Variants in TNS2 observed in about 807,000 individuals in gnomAD.
TNS2 encodes tensin 2.
TNS2 carries 77 observed loss-of-function variants against 155.7 expected under a neutral mutation model. The observed-to-expected ratio is 0.49, with a 90% CI of 0.41 to 0.60. TNS2 has a LOEUF of 0.60. Ranked by LOEUF, TNS2 falls within the 20% of genes least tolerant of loss-of-function variation. The pLI is 0.00. For missense variants in TNS2, 1,703 were observed against 1,868.8 expected (o/e 0.91, Z 1.64); for synonymous variants, 726 against 763.9 (o/e 0.95, Z 0.82).
upstream of TNS2, among the ~76,000 whole-genome samples, chr12:53,047,937 C>G (rs935560827): frequency 6.6e-6 from 1 of 152,206 alleles, no homozygotes; most frequent in African/African-American, 2.4e-5. Flanking sequence ...CCCAGCCTCC[C>G]TTCCAACCAC....
In TNS2 at chr12:53,063,838, A is replaced by C; in HGVS notation, c.4186A>C (p.Ile1396Leu). 6.2e-7 allele frequency: 1 copy of C among 1,614,086 alleles called. No individual in the cohort carries two copies. The highest frequency in any genetic ancestry group is 8.5e-7 in the Non-Finnish European group (1 of 1,180,012). Reference protein sequence around the residue: ...ELDPDQPAGAIVTFITKVLLG... With the variant: ...ELDPDQPAGALVTFITKVLLG... ...TGACCCAGATCAGCCTGCTGGCGCC[A>C]TTGTCACCTTCATCACCAAAGTTCT... Residue 1396 changes from isoleucine to leucine, a missense_variant, in exon 29 of 29, where the codon ATT (isoleucine) becomes CTT (leucine). Transcript: ENST00000314250. This position sits in a 1 kb window ranked among gnomAD's most constrained non-coding sequence, Gnocchi z 5.6.
chr12:53,049,607 C>A (rs1490679100), upstream of TNS2, among the ~76,000 whole-genome samples: 1 of 152,096 alleles, frequency 6.6e-6, no homozygotes, highest in East Asian at 1.9e-4. Context: ...GCCCCCAGTC[C>A]CATTTTTACC....
intron 17 of TNS2, 85 bp downstream of exon 17, chr12:53,058,912 T>C: frequency 6.4e-7 from 1 of 1,566,550 alleles, no homozygotes; most frequent in African/African-American, 1.4e-5. Context: ...CACTCCCTCC[T>C]CCCCAGGCAG....
chr12:53,059,834 TGG>T lies in TNS2; in HGVS notation c.2195_2196del (p.Gly732AlafsTer19). ...GKPLLHPVRP[G>X]HPLPLLLPAC... Reference sequence around the variant, plus strand: ...AGCCTCTCCTGCACCCAGTGCGGCCTGGGCACCCGCTGCCTCTGCTCTTGCCT... The same window carrying T: ...AGCCTCTCCTGCACCCAGTGCGGCCTGCACCCGCTGCCTCTGCTCTTGCCT... On this transcript the variant is annotated frameshift_variant, in exon 18 of 29. Coordinates refer to ENST00000314250, the MANE Select transcript of TNS2 (RefSeq NM_170754.4). LOFTEE classifies it high-confidence loss of function. The surrounding 1 kb of genome is among the most constrained non-coding windows in gnomAD (Gnocchi z 4.7). 6.2e-7 allele frequency: 1 copy of T among 1,612,952 alleles called. No homozygotes were observed. The highest frequency in any genetic ancestry group is 8.5e-7 in the Non-Finnish European group (1 of 1,179,938).
chr12:53,052,455 T>A lies in TNS2; in HGVS notation c.185T>A (p.Val62Asp), dbSNP rs1370949597. 2 of 1,613,918 alleles carry A rather than the reference T, an allele frequency of 1.2e-6. No homozygotes were observed. Among genetic ancestry groups the A allele is most frequent in the Non-Finnish European group, 1.7e-6 (2 of 1,179,908 alleles). ...TIDGTGVSCR[V>D]CKVATHRKCE... is the part of the protein sequence containing the mutation. The stretch of plus-strand genomic sequence containing the variant: ...CCTCTCCTCCCCTTACCTTCCCTAG[T>A]CTGCAAGGTGGCGACGCACAGAAAA... Residue 62 changes from valine (V) to aspartate (D), a missense_variant and splice_region_variant, in exon 3 of 29, where the codon GTC becomes GAC. Coordinates refer to ENST00000314250, the MANE Select transcript of TNS2 (RefSeq NM_170754.4).
At chr12:53,052,873 A>C (rs1305474675) in intron 3 of TNS2, among the ~76,000 whole-genome samples, 2 of 152,040 alleles carry the variant, frequency 1.3e-5, no homozygotes, top group Non-Finnish European at 2.9e-5. Context: ...CCTCTGGGGA[A>C]GGGTCCTCAA....
chr12:53,062,806 C>A, intron 25 of TNS2, 109 bp downstream of exon 25: 1 of 1,323,678 alleles, frequency 7.6e-7, no homozygotes, highest in Non-Finnish European at 1.1e-6. Context: ...CCCTGGCCAA[C>A]CCATGAGGGC....
At chr12:53,057,504 A>C in intron 11 of TNS2, 63 bp from the exon 12 acceptor site, 1 of 1,240,860 alleles carries the variant, frequency 8.1e-7, no homozygotes, top group Non-Finnish European at 1.2e-6. Context: ...TGGATGGTTG[A>C]AATGATACAA....
intron 11 of TNS2, 101 bp downstream of exon 11, chr12:53,057,197 C>T: frequency 7.8e-7 from 1 of 1,279,748 alleles, no homozygotes; most frequent in South Asian, 1.3e-5. Flanking sequence ...CTGAGTGTGC[C>T]AAGCGCCGTG....
Position 53,050,827 on chromosome 12 carries a change from C to A in TNS2, c.75+567C>A, listed in dbSNP as rs903569333. ...GTCAAGAAACCAGAGGTGCTGCCCACATCCCCATCACTCCCTTTCCCAACT... is the reference window on the plus strand; with the variant it reads ...GTCAAGAAACCAGAGGTGCTGCCCAAATCCCCATCACTCCCTTTCCCAACT... On this transcript the variant is annotated intron_variant, in intron 1 of 28. Coordinates refer to ENST00000314250, the MANE Select transcript of TNS2 (RefSeq NM_170754.4). The surrounding 1 kb of genome is among the most constrained non-coding windows in gnomAD (Gnocchi z 4.7). 6.6e-6 allele frequency among the ~76,000 whole-genome samples: 1 copy of A among 152,216 alleles called. No individual in the cohort carries two copies. Among genetic ancestry groups the A allele is most frequent in the African/African-American group, 2.4e-5 (1 of 41,448 alleles).
At chr12:53,049,360 C>A (rs1943841555), upstream of TNS2, 1 of 914,296 alleles carries the variant, frequency 1.1e-6, no homozygotes. Flanking sequence ...ATGTCTGAAA[C>A]AAAGCCAGGG....
At position 53,060,455 on chromosome 12, in the gene TNS2, C is replaced by G. The variant is rs1277828137; in HGVS notation, c.2668C>G (p.Leu890Val). 12 of 1,613,706 alleles carry G rather than the reference C, an allele frequency of 7.4e-6. No individual in the cohort carries two copies. The highest frequency in any genetic ancestry group is 9.3e-6 in the Non-Finnish European group (11 of 1,179,992). ...WREGPSGHST[L>V]PRSPRDAPCS... ...GGAGGGCCCCAGTGGGCACAGCACA[C>G]TGCCTCGGTCTCCCCGAGATGCCCC... Residue 890 changes from leucine (L) to valine (V), a missense_variant, in exon 19 of 29, where the codon CTG becomes GTG. Physicochemically the swap from Leu to Val is conservative, Grantham distance 32 (BLOSUM62 1). Transcript: ENST00000314250. This position sits in a 1 kb window ranked among gnomAD's most constrained non-coding sequence, Gnocchi z 6.1.
Position 53,063,508 on chromosome 12 carries a change from C to T in TNS2, c.4062-55C>T. On this transcript the variant is annotated intron_variant, in intron 27 of 28. Transcript: ENST00000314250. This position sits in a 1 kb window ranked among gnomAD's most constrained non-coding sequence, Gnocchi z 5.6. ...CCAGCCCCAGCCCCGGCCCCGGCCC[C>T]CCTTCAGCAGCTGTCCCCTGGGGTG... 1.2e-6 allele frequency: 2 copies of T among 1,613,190 alleles called. No homozygotes were observed. Among genetic ancestry groups the T allele is most frequent in the Non-Finnish European group, 1.7e-6 (2 of 1,179,744 alleles).
chr12:53,058,112 G>T lies in TNS2; in HGVS notation c.1095+10G>T, dbSNP rs375008816. On this transcript the variant is annotated intron_variant, in intron 14 of 28. Transcript: ENST00000314250. ...CAAAGGCGATGTCATGGTGAGGGGG[G>T]TCCTGTCAACAAGAAGAATCCTGGA... The T allele has an allele frequency of 6.6e-5, 107 of 1,614,160 alleles. No homozygotes were observed. The African/African-American group carries it at 1.1e-3, about 17-fold the overall frequency.
chr12:53,055,667 C>A lies in TNS2; in HGVS notation c.673C>A (p.His225Asn). 6.2e-7 allele frequency: 1 copy of A among 1,614,172 alleles called. No homozygotes were observed. Among genetic ancestry groups the A allele is most frequent in the East Asian group, 2.2e-5 (1 of 44,884 alleles). Residue 225 changes from histidine to asparagine, a missense_variant, in exon 9 of 29, where the codon CAC (histidine) becomes AAC (asparagine). His to Asn is a moderately conservative substitution (Grantham distance 68). Transcript: ENST00000314250. Reference protein sequence around the residue: ...METWLSADPQHVVVLYCKGNK... With the variant: ...METWLSADPQNVVVLYCKGNK... ...GACATGGCTCAGTGCTGACCCACAGCACGTGGTCGTACTATACTGCAAGGT... is the reference window on the plus strand; with the variant it reads ...GACATGGCTCAGTGCTGACCCACAGAACGTGGTCGTACTATACTGCAAGGT...
chr12:53,060,611 G>A lies in TNS2; in HGVS notation c.2768+56G>A, dbSNP rs1296703375. On this transcript the variant is annotated intron_variant, in intron 19 of 28. Transcript: ENST00000314250. The surrounding 1 kb of genome is among the most constrained non-coding windows in gnomAD (Gnocchi z 6.1). ...CTTTCTTGTCCAAGCAGTTGATGAA[G>A]GCAGGTGGGGTGGGAGCAGCCACAA... 2.5e-6 allele frequency: 4 copies of A among 1,596,458 alleles called. No individual in the cohort carries two copies. The highest frequency in any genetic ancestry group is 3.4e-6 in the Non-Finnish European group (4 of 1,169,738).
Position 53,053,428 on chromosome 12 carries a change from G to C in TNS2, c.240G>C (p.Gln80His). ...CCTTCCAGGTGACTTCAGCCTGTCA[G>C]GCCTTGCCTCCCGTGGAGTTGGTGA... ...KCEAKVTSAC[Q>H]ALPPVELRRN... Residue 80 changes from glutamine (Q) to histidine (H), a missense_variant, in exon 4 of 29, where the codon CAG (glutamine) becomes CAC (histidine). Gln to His is a conservative substitution (Grantham distance 24). Transcript: ENST00000314250. The C allele has an allele frequency of 6.2e-7, 1 of 1,614,094 alleles. No homozygotes were observed. The highest frequency in any genetic ancestry group is 8.5e-7 in the Non-Finnish European group (1 of 1,179,992).
intron 24 of TNS2, 60 bp from the exon 25 acceptor site, chr12:53,062,560 G>T (rs1592259902): frequency 6.2e-7 from 1 of 1,609,554 alleles, no homozygotes; most frequent in East Asian, 2.2e-5. Flanking sequence ...CAGAGGGAGT[G>T]CTCCAGCCTG....
chr12:53,059,510 C>T lies in TNS2; in HGVS notation c.1869C>T (p.Tyr623=), dbSNP rs759285315. The T allele has an allele frequency of 1.1e-5, 17 of 1,577,902 alleles. No individual in the cohort carries two copies. The highest frequency in any genetic ancestry group is 4.5e-5 in the East Asian group (2 of 44,588). The change falls in exon 18 of 29, where the codon TAC becomes TAT. Residue 623 remains tyrosine, a synonymous_variant. Transcript: ENST00000314250. The surrounding 1 kb of genome is among the most constrained non-coding windows in gnomAD (Gnocchi z 4.7). ...EGTLERRRLA[Y]GGYEGSPQGY... is the part of the protein sequence containing the mutation. Reference sequence around the variant, plus strand: ...CCCTGGAGAGGAGGCGACTGGCCTACGGGGGCTATGAGGGATCCCCCCAGG... The same window carrying T: ...CCCTGGAGAGGAGGCGACTGGCCTATGGGGGCTATGAGGGATCCCCCCAGG...
Sources: allele counts gnomAD v4.1 joint callset (sites outside exome capture counted in the v4.1 genomes callset), GRCh38; gene constraint gnomAD v4.1.1; non-coding constraint Gnocchi (gnomAD v3.1); transcripts MANE v1.5; gene names NCBI Gene and HGNC (gene_info 2026-07-23, HGNC 2026-07-21).